The following EPHB1 variants were observed in gnomAD, a reference collection of about 807,000 sequenced individuals.
The protein encoded by EPHB1 is ephrin type-B receptor 1.
A neutral mutation model predicts 94.4 loss-of-function variants in EPHB1; 30 were observed. That is an observed-to-expected ratio of 0.32 (90% confidence interval 0.24 to 0.43). EPHB1 has a LOEUF of 0.43. Among genes scored for constraint, EPHB1 ranks in the 20% least tolerant of loss-of-function variants. The pLI is 1.00. For missense variants in EPHB1, 1,055 were observed against 1,308.3 expected, an observed-to-expected ratio of 0.81 and a Z score of 2.99; for synonymous variants, 522 against 489.1, an observed-to-expected ratio of 1.07 and a Z score of -0.89.
chr3:135,250,888 G>A (rs1431671084), intron 15 of EPHB1, among the ~76,000 whole-genome samples: 2 of 152,112 alleles, frequency 1.3e-5, no homozygotes, highest in Non-Finnish European at 2.9e-5. Context: ...ACAGTGCAAG[G>A]TGCTGGGATT....
intron 3 of EPHB1, among the ~76,000 whole-genome samples, chr3:134,998,818 AT>A (rs1935081363): frequency 6.6e-6 from 1 of 152,188 alleles, no homozygotes; most frequent in Admixed American, 6.5e-5. Flanking sequence ...TATTTGATAG[AT>A]TTTTAAAATT....
intron 4 of EPHB1, among the ~76,000 whole-genome samples, chr3:135,129,867 TAAG>T (rs1576412304): frequency 6.6e-6 from 1 of 152,032 alleles, no homozygotes; most frequent in South Asian, 2.1e-4. Flanking sequence ...GGCTCAGAGA[TAAG>T]AAGAGAGTTT....
chr3:135,072,336 A>G (rs975838685), intron 3 of EPHB1, among the ~76,000 whole-genome samples: 1 of 152,178 alleles, frequency 6.6e-6, no homozygotes, highest in Non-Finnish European at 1.5e-5. Context: ...GTGAGCCAAG[A>G]TCACGCCACT....
intron 1 of EPHB1, among the ~76,000 whole-genome samples, chr3:134,845,075 G>A (rs2036847262): frequency 6.6e-6 from 1 of 152,210 alleles, no homozygotes; most frequent in African/African-American, 2.4e-5. Flanking sequence ...AAAAATGACT[G>A]ACAGAGAGTG....
At chr3:134,866,650 C>T (rs2037386315) in intron 1 of EPHB1, among the ~76,000 whole-genome samples, 1 of 152,252 alleles carries the variant, frequency 6.6e-6, no homozygotes, top group African/African-American at 2.4e-5. Context: ...CAAGGAGGAA[C>T]TCTGGGCAGC....
At chr3:135,107,116 T>C (rs1939247740) in intron 4 of EPHB1, among the ~76,000 whole-genome samples, 1 of 152,224 alleles carries the variant, frequency 6.6e-6, no homozygotes, top group Admixed American at 6.5e-5. Context: ...CATCTTCTTG[T>C]GTCCCTTCAA....
At chr3:135,251,229 C>A (rs999483162) in intron 15 of EPHB1, among the ~76,000 whole-genome samples, 1 of 152,090 alleles carries the variant, frequency 6.6e-6, no homozygotes, top group African/African-American at 2.4e-5. Flanking sequence ...AAATAGACAG[C>A]AAAAATAAAT....
chr3:135,133,144 T>A, intron 5 of EPHB1, 95 bp downstream of exon 5: 2 of 1,258,412 alleles, frequency 1.6e-6, no homozygotes, highest in Non-Finnish European at 2.2e-6. Flanking sequence ...ATCCTGCCCG[T>A]GTACTGTCAG....
intron 3 of EPHB1, among the ~76,000 whole-genome samples, chr3:135,101,853 C>T (rs1413939560): frequency 6.6e-6 from 1 of 152,142 alleles, no homozygotes; most frequent in African/African-American, 2.4e-5. Flanking sequence ...AAAAGGTGTA[C>T]ATCCATCCAC....
rs529154266 is a variant in EPHB1 at position 135,048,334 on chromosome 3, A to C, written c.806-58114A>C. ...GGAGTGCAGTGGCACCATCACCAAC[A>C]TCATGGCTTACTGCAGCCTCGACCT... On this transcript the variant is annotated intron_variant, in intron 3 of 15. Coordinates refer to ENST00000398015, the MANE Select transcript of EPHB1 (RefSeq NM_004441.5). Among the ~76,000 whole-genome samples, 4 of 135,594 alleles carry C rather than the reference A, an allele frequency of 2.9e-5. No homozygotes were observed. In the East Asian group the frequency reaches 6.4e-4, roughly 22 times the overall value. 89.0% of individuals were successfully genotyped at this position (135,594 alleles called of 152,430 possible).
At position 135,260,287 on chromosome 3, in the gene EPHB1, GA is replaced by G. The variant is rs1303646638; in HGVS notation, c.*1169del. On this transcript the variant is annotated 3_prime_UTR_variant, in exon 16 of 16. Transcript: ENST00000398015. ...TGGCTTAAGCCGTGTGGCATCCGAG[GA>G]ATGTTTCAAATGTGTCTGTGTTTCT... is the stretch of plus-strand genomic sequence containing the variant. The G allele has an allele frequency of 1.3e-5, 3 of 232,946 alleles. No homozygotes were observed. Among genetic ancestry groups the G allele is most frequent in the Non-Finnish European group, 2.5e-5 (3 of 117,690 alleles). The allele number at this position is 232,946 out of a possible 1,614,324, so 14.4% of individuals were successfully genotyped here. A position where few individuals can be genotyped will look rare whatever the true frequency, so the allele number is the denominator to read the frequency against.
chr3:134,960,486 G>C (rs547030143), intron 3 of EPHB1, among the ~76,000 whole-genome samples: 71 of 152,294 alleles, frequency 4.7e-4, no homozygotes, highest in South Asian at 1.2e-3. Context: ...CAAAGTCTGG[G>C]GAGATGTGGT....
intron 1 of EPHB1, among the ~76,000 whole-genome samples, chr3:134,830,719 G>A (rs919622120): frequency 2.6e-5 from 4 of 152,184 alleles, no homozygotes; most frequent in Non-Finnish European, 5.9e-5. Context: ...GGGCATGACC[G>A]TGTTCAAGGG....
Position 135,106,594 on chromosome 3 carries a change from G to T in EPHB1, c.952G>T (p.Ala318Ser). ...AGCGGACTTTGACCCTCCAGAAGTG[G>T]CATGCACTAGTAAGTGTCTAGTAAT... ...YRADFDPPEV[A>S]CTSVPSGPRN... Residue 318 changes from alanine to serine, a missense_variant, in exon 4 of 16, where the codon GCA becomes TCA. Ala to Ser is a moderately conservative substitution (Grantham distance 99). Coordinates refer to ENST00000398015, the MANE Select transcript of EPHB1 (RefSeq NM_004441.5). 3.1e-6 allele frequency: 5 copies of T among 1,613,998 alleles called. No individual in the cohort carries two copies. The highest frequency in any genetic ancestry group is 4.2e-6 in the Non-Finnish European group (5 of 1,179,894).
Position 135,241,310 on chromosome 3 carries a change from A to G in EPHB1, c.2496+13A>G, listed in dbSNP as rs754508035. 42 of 1,613,996 alleles carry G rather than the reference A, an allele frequency of 2.6e-5. No individual in the cohort carries two copies. Among genetic ancestry groups the G allele is most frequent in the Non-Finnish European group, 3.4e-5 (40 of 1,179,954 alleles). On this transcript the variant is annotated intron_variant, in intron 13 of 15. Coordinates refer to ENST00000398015, the MANE Select transcript of EPHB1 (RefSeq NM_004441.5). The stretch of plus-strand genomic sequence containing the variant: ...GTCCAACCAAGATGTGAGTGTCAGC[A>G]GCACTTGGTCACCACAAACCCCCAT...
chr3:134,981,113 C>T (rs1362681734), intron 3 of EPHB1, among the ~76,000 whole-genome samples: 2 of 152,182 alleles, frequency 1.3e-5, no homozygotes, highest in African/African-American at 4.8e-5. Flanking sequence ...CACAGATTCA[C>T]TATCTGCTTT....
At chr3:135,104,312 T>C (rs889330762) in intron 3 of EPHB1, among the ~76,000 whole-genome samples, 1 of 152,240 alleles carries the variant, frequency 6.6e-6, no homozygotes, top group African/African-American at 2.4e-5. Context: ...AGAGGGACCG[T>C]AATGAGTGGG....
chr3:135,115,347 C>T (rs540860279), intron 4 of EPHB1, among the ~76,000 whole-genome samples: 1 of 152,302 alleles, frequency 6.6e-6, no homozygotes, highest in Non-Finnish European at 1.5e-5. Context: ...TGCCACAGCT[C>T]AGCTTCTTCA....
At chr3:134,810,687 G>A (rs1486258358) in intron 1 of EPHB1, among the ~76,000 whole-genome samples, 2 of 152,176 alleles carry the variant, frequency 1.3e-5, no homozygotes, top group Admixed American at 6.5e-5. Flanking sequence ...TTTAGAAGTT[G>A]TCTTCATTAC....
Sources: gnomAD v4.1 joint callset for allele counts (sites outside exome capture counted in the v4.1 genomes callset) on GRCh38, gnomAD v4.1.1 for gene constraint, MANE v1.5 for transcripts, NCBI Gene and HGNC (gene_info 2026-07-23, HGNC 2026-07-21) for gene names.